GRK5: variants seen among roughly 807,000 people sequenced by gnomAD.
The protein encoded by GRK5 is g protein-coupled receptor kinase GRK5.
GRK5 carries 40 observed loss-of-function variants against 78.4 expected under a neutral mutation model. The observed-to-expected ratio is 0.51, with a 90% CI of 0.40 to 0.66. GRK5 has a LOEUF of 0.66. Among genes scored for constraint, GRK5 ranks in the 30% least tolerant of loss-of-function variants. The pLI, the probability that GRK5 is intolerant of heterozygous loss-of-function variation, is 0.00. For missense variants in GRK5, 598 were observed against 759.9 expected, an observed-to-expected ratio of 0.79 and a Z score of 2.50; for synonymous variants, 289 against 296.8, an observed-to-expected ratio of 0.97 and a Z score of 0.27.
At chr10:119,426,865 TTGCCATCAACAGCATCAC>T (rs1476734531) in intron 6 of GRK5, among the ~76,000 whole-genome samples, 3 of 50,156 alleles carry the variant, frequency 6.0e-5, no homozygotes, top group South Asian at 5.3e-4. Flanking sequence ...ATCAGTATCA[TTGCCATCAACAGCATCAC>T]TGCCATCAAC....
chr10:119,380,561 T>C (rs538404123), intron 2 of GRK5, among the ~76,000 whole-genome samples: 2 of 152,368 alleles, frequency 1.3e-5, no homozygotes, highest in South Asian at 4.1e-4. Flanking sequence ...ACTGCTGGCA[T>C]GTCCATACAG....
chr10:119,261,280 C>T (rs1216951567), intron 1 of GRK5, among the ~76,000 whole-genome samples: 8 of 147,878 alleles, frequency 5.4e-5, no homozygotes, highest in African/African-American at 7.5e-5. Flanking sequence ...CGGGCAGAGG[C>T]GCTCCTCACA....
At chr10:119,299,432 CAA>C (rs35231977) in intron 1 of GRK5, among the ~76,000 whole-genome samples, 8 of 124,012 alleles carry the variant, frequency 6.5e-5, no homozygotes, top group Non-Finnish European at 8.7e-5. Flanking sequence ...GACTCCAGCT[CAA>C]AAAAAAAAAA....
intron 12 of GRK5, 49 bp from the exon 13 acceptor site, chr10:119,448,074 C>G (rs1853191225): frequency 6.7e-7 from 1 of 1,490,092 alleles, no homozygotes; most frequent in Middle Eastern, 1.8e-4. Flanking sequence ...GAGGTCCGGA[C>G]AGGAGGAGAG....
intron 2 of GRK5, among the ~76,000 whole-genome samples, chr10:119,364,424 C>T (rs368161322): frequency 6.6e-6 from 1 of 152,288 alleles, no homozygotes; most frequent in East Asian, 1.9e-4. Flanking sequence ...TAAGAAGCCA[C>T]CTTTGGGAGG....
rs112473548 is a variant in GRK5, at chr10:119,401,681, T to C, written c.339+4909T>C. Among the ~76,000 whole-genome samples the C allele has an allele frequency of 1.0e-3, 152 of 152,316 alleles. 1 individual carries two copies. Among genetic ancestry groups the C allele is most frequent in the African/African-American group, 3.4e-3 (141 of 41,572 alleles). ...GGGCATCTTAAGTGCCCAGCAGCAG[T>C]GCTTGTCATCTGCCTTTCCCCACCT... On this transcript the variant is annotated intron_variant, in intron 4 of 15. Coordinates refer to ENST00000392870, the MANE Select transcript of GRK5 (RefSeq NM_005308.3).
At chr10:119,257,984 C>G (rs1479202610) in intron 1 of GRK5, among the ~76,000 whole-genome samples, 1 of 152,116 alleles carries the variant, frequency 6.6e-6, no homozygotes, top group Admixed American at 6.5e-5. Context: ...GTAACATCTG[C>G]CTCTTAAAAG....
At chr10:119,433,544 G>A (rs1428368848) in intron 8 of GRK5, among the ~76,000 whole-genome samples, 1 of 152,224 alleles carries the variant, frequency 6.6e-6, no homozygotes, top group East Asian at 1.9e-4. Context: ...AGATGTGGGA[G>A]AAAGGGGACA....
rs577454588 is a variant in GRK5 at position 119,264,282 on chromosome 10, C to T, written c.52+56313C>T. Among the ~76,000 whole-genome samples the T allele has an allele frequency of 5.9e-5, 9 of 152,320 alleles. No individual in the cohort carries two copies. Among genetic ancestry groups the T allele is most frequent in the African/African-American group, 9.6e-5 (4 of 41,564 alleles). On this transcript the variant is annotated intron_variant, in intron 1 of 15. Coordinates refer to ENST00000392870, the MANE Select transcript of GRK5 (RefSeq NM_005308.3). This position sits in a 1 kb window ranked among gnomAD's most constrained non-coding sequence, Gnocchi z 4.1. Reference sequence around the variant, plus strand: ...ACAGGTGACAGAAGCTCAACTCCAACTAGCTTAAGCAAAACAAATAAACAA... The same window carrying T: ...ACAGGTGACAGAAGCTCAACTCCAATTAGCTTAAGCAAAACAAATAAACAA...
chr10:119,383,063 A>T (rs2133833743), intron 3 of GRK5, among the ~76,000 whole-genome samples: 1 of 152,070 alleles, frequency 6.6e-6, no homozygotes, highest in Non-Finnish European at 1.5e-5. Context: ...CTGGGCCTAC[A>T]GGCGCCCGCC....
intron 1 of GRK5, among the ~76,000 whole-genome samples, chr10:119,261,374 A>G (rs1849396021): frequency 6.9e-6 from 1 of 143,974 alleles, no homozygotes; most frequent in Non-Finnish European, 1.5e-5. Context: ...CACTTCCTAG[A>G]TGGGATGGCG....
At chr10:119,364,258 C>T (rs574132309) in intron 2 of GRK5, among the ~76,000 whole-genome samples, 50 of 152,302 alleles carry the variant, frequency 3.3e-4, no homozygotes, top group African/African-American at 1.1e-3. Context: ...ACACCAATAG[C>T]CAGAAGGCAG....
At chr10:119,306,394 C>T (rs1850272444) in intron 1 of GRK5, among the ~76,000 whole-genome samples, 1 of 152,178 alleles carries the variant, frequency 6.6e-6, no homozygotes, top group African/African-American at 2.4e-5. Flanking sequence ...GCTTGGGGCG[C>T]ATGTGCGCTT....
At chr10:119,248,487 A>T (rs1447897486) in intron 1 of GRK5, among the ~76,000 whole-genome samples, 1 of 152,054 alleles carries the variant, frequency 6.6e-6, no homozygotes, top group Non-Finnish European at 1.5e-5. Context: ...TTATTGAGCC[A>T]TTTCCTCACC....
At chr10:119,373,745 G>A (rs1231086039) in intron 2 of GRK5, among the ~76,000 whole-genome samples, 3 of 152,184 alleles carry the variant, frequency 2.0e-5, no homozygotes, top group Non-Finnish European at 2.9e-5. Context: ...CAGGAAGTTC[G>A]CACATGCTGT....
intron 1 of GRK5, among the ~76,000 whole-genome samples, chr10:119,234,461 G>GA (rs1848884845): frequency 2.0e-5 from 3 of 152,224 alleles, no homozygotes; most frequent in Admixed American, 2.0e-4. Context: ...AGGCACAGAA[G>GA]ACTTAGGAAT....
chr10:119,394,564 G>C lies in GRK5; in HGVS notation c.262-2131G>C, dbSNP rs1433205631. Among the ~76,000 whole-genome samples, 9 of 3,162 alleles carry C rather than the reference G, an allele frequency of 2.8e-3. 2 individuals carry two copies. Among genetic ancestry groups the C allele is most frequent in the Non-Finnish European group, 6.7e-3 (8 of 1,190 alleles). 2.1% of individuals were successfully genotyped at this position (3,162 alleles called of 152,430 possible). ...GTGTGTGGGGGCACGTGTATGTTTG[G>C]GTGTGTGTGTGTCTGTGTGTGGGTG... On this transcript the variant is annotated intron_variant, in intron 3 of 15. Coordinates refer to ENST00000392870, the MANE Select transcript of GRK5 (RefSeq NM_005308.3).
intron 6 of GRK5, among the ~76,000 whole-genome samples, chr10:119,427,958 C>T (rs1287081895): frequency 1.3e-5 from 2 of 150,958 alleles, no homozygotes; most frequent in Non-Finnish European, 2.9e-5. Flanking sequence ...TCATCAGCCT[C>T]ACTGCCATCA....
At chr10:119,279,111 A>C (rs1199926512) in intron 1 of GRK5, among the ~76,000 whole-genome samples, 1 of 151,774 alleles carries the variant, frequency 6.6e-6, no homozygotes, top group Non-Finnish European at 1.5e-5. Flanking sequence ...CGATCTCCTG[A>C]CCTCGTGATC....
Sources: allele counts gnomAD v4.1 joint callset (sites outside exome capture counted in the v4.1 genomes callset), GRCh38; gene constraint gnomAD v4.1.1; non-coding constraint Gnocchi (gnomAD v3.1); transcripts MANE v1.5; gene names NCBI Gene and HGNC (gene_info 2026-07-23, HGNC 2026-07-21).